Variants in ADCY8 observed in about 807,000 individuals in gnomAD.
ADCY8 encodes the protein adenylate cyclase type 8.
Under a neutral mutation model 119.7 loss-of-function variants are expected in ADCY8, and 51 were observed. The observed-to-expected ratio is 0.43, with a 90% CI of 0.34 to 0.54. The LOEUF is 0.54. ADCY8 is among the 20% of genes least tolerant of loss of function. ADCY8 has a pLI of 0.03. For missense variants in ADCY8, 1,383 were observed against 1,598.8 expected (o/e 0.87, Z 2.30); for synonymous variants, 665 against 651.0 (o/e 1.02, Z -0.33).
chr8:130,999,365 T>A (rs1285106456), intron 1 of ADCY8, among the ~76,000 whole-genome samples: 3 of 152,120 alleles, frequency 2.0e-5, no homozygotes, highest in Non-Finnish European at 4.4e-5. Context: ...AGTGGAAAGG[T>A]TCTCCATGAA....
chr8:130,825,628 G>T (rs2130219890), intron 12 of ADCY8, among the ~76,000 whole-genome samples: 1 of 152,344 alleles, frequency 6.6e-6, no homozygotes, highest in Non-Finnish European at 1.5e-5. Flanking sequence ...GAGAAGATCA[G>T]TTCTGCTTCT....
chr8:130,992,382 C>CACATATATATATATAT lies in ADCY8; in HGVS notation c.961-1841_961-1840insATATATATATATATGT, dbSNP rs1563758967. Among the ~76,000 whole-genome samples the CACATATATATATATAT allele has an allele frequency of 7.7e-5, 6 of 78,088 alleles. 1 individual carries two copies. Among genetic ancestry groups the CACATATATATATATAT allele is most frequent in the African/African-American group, 3.2e-4 (6 of 18,762 alleles). The allele number at this position is 78,088 out of a possible 152,430, so 51.2% of individuals were successfully genotyped here. On this transcript the variant is annotated intron_variant, in intron 1 of 17. Coordinates refer to ENST00000286355, the MANE Select transcript of ADCY8 (RefSeq NM_001115.3). Reference sequence around the variant, plus strand: ...TACATACATGAGCAACTGTATCTGGCATATATATATATATATATATATATA... The same window carrying CACATATATATATATAT: ...TACATACATGAGCAACTGTATCTGGCACATATATATATATATATATATATATATATATATATATATA...
At chr8:130,936,343 A>C (rs750054260) in intron 5 of ADCY8, among the ~76,000 whole-genome samples, 1 of 152,134 alleles carries the variant, frequency 6.6e-6, no homozygotes. Context: ...CACTTGCCAC[A>C]CATCCATGAA....
At chr8:130,812,439 G>A (rs1335941912) in intron 14 of ADCY8, among the ~76,000 whole-genome samples, 1 of 152,196 alleles carries the variant, frequency 6.6e-6, no homozygotes, top group Non-Finnish European at 1.5e-5. Flanking sequence ...CTTTGCAGGT[G>A]TAATTAAGAT....
intron 5 of ADCY8, among the ~76,000 whole-genome samples, chr8:130,921,444 C>CCTTTTTTTTTTTTTTT (rs1563729431): frequency 7.5e-6 from 1 of 132,564 alleles, no homozygotes; most frequent in African/African-American, 2.8e-5. Flanking sequence ...TTTTCTTTTT[C>CCTTTTTTTTTTTTTTT]TTTTCTTTTT....
Position 130,951,918 on chromosome 8 carries a change from G to A in ADCY8, c.1191C>T (p.His397=), listed in dbSNP as rs748417280. 3 of 1,614,064 alleles carry A rather than the reference G, an allele frequency of 1.9e-6. 1 individual carries two copies. The highest frequency in any genetic ancestry group is 2.5e-6 in the Non-Finnish European group (3 of 1,180,020). The change falls in exon 3 of 18, where the codon CAC becomes CAT. Residue 397 remains histidine (H), a synonymous_variant. Transcript: ENST00000286355. The part of the protein sequence containing the change: ...INDMTNVEDE[H]LQHQFHRIYI... ...AGATCCGATGGAACTGGTGCTGCAG[G>A]TGCTCATCTTCCACATTGGTCATGT...
At chr8:130,824,866 G>A (rs1260705683) in intron 12 of ADCY8, among the ~76,000 whole-genome samples, 3 of 152,202 alleles carry the variant, frequency 2.0e-5, no homozygotes, top group Non-Finnish European at 4.4e-5. Flanking sequence ...AGAGCCCTAT[G>A]TGAATGCACA....
At chr8:130,944,528 T>C (rs1281259767) in intron 3 of ADCY8, among the ~76,000 whole-genome samples, 1 of 152,228 alleles carries the variant, frequency 6.6e-6, no homozygotes, top group African/African-American at 2.4e-5. Context: ...GTAATTGGGC[T>C]AGAAGACATC....
rs2228950 is a variant in ADCY8, at chr8:130,990,524, G to A, written c.979C>T (p.Leu327=). 0.19 allele frequency: 304,814 copies of A among 1,613,390 alleles called. 38,008 individuals are homozygous for A. Among genetic ancestry groups the A allele is most frequent in the African/African-American group, 0.64 (47,652 of 74,976 alleles). ...SINQVVAQAV[L]FMCMNTAGIF... is the part of the protein sequence containing the mutation. ...CCAGCTGTGTTCATACACATGAATA[G>A]CACTGCCTGGGCCACAACCTAAAAT... Residue 327 remains leucine (L), a synonymous_variant, in exon 2 of 18, where the codon CTA becomes TTA. Transcript: ENST00000286355.
At chr8:130,820,243 CTG>C (rs1816466539) in intron 13 of ADCY8, among the ~76,000 whole-genome samples, 1 of 152,152 alleles carries the variant, frequency 6.6e-6, no homozygotes, top group African/African-American at 2.4e-5. Context: ...TTATGTGTCT[CTG>C]TGTTCTTGGG....
chr8:130,867,071 A>C (rs754196666), intron 9 of ADCY8, among the ~76,000 whole-genome samples: 1 of 152,198 alleles, frequency 6.6e-6, no homozygotes, highest in Non-Finnish European at 1.5e-5. Flanking sequence ...GGGAAAACTC[A>C]TAGTAAGTAT....
intron 1 of ADCY8, among the ~76,000 whole-genome samples, chr8:131,007,144 CTT>C (rs1241069801): frequency 1.3e-5 from 2 of 152,100 alleles, no homozygotes; most frequent in African/African-American, 4.8e-5. Context: ...TGATTAAACT[CTT>C]TTAGTTAAAA....
At chr8:130,946,615 C>T (rs892891562) in intron 3 of ADCY8, among the ~76,000 whole-genome samples, 1 of 152,194 alleles carries the variant, frequency 6.6e-6, no homozygotes, top group Non-Finnish European at 1.5e-5. Context: ...ATAGCACAAT[C>T]ATATGTGGCT....
intron 15 of ADCY8, among the ~76,000 whole-genome samples, chr8:130,797,559 A>G (rs1815623384): frequency 6.6e-6 from 1 of 152,212 alleles, no homozygotes; most frequent in South Asian, 2.1e-4. Flanking sequence ...CTTATGTGCT[A>G]GACACAGAGC....
At chr8:131,015,028 AC>A (rs34688343) in intron 1 of ADCY8, among the ~76,000 whole-genome samples, 65,779 of 151,942 alleles carry the variant, frequency 0.43, 14,559 homozygotes, top group East Asian at 0.64. Flanking sequence ...TTCTGGGCAC[AC>A]TAAGGTCTTA....
chr8:130,805,181 T>C (rs190071153), intron 14 of ADCY8, among the ~76,000 whole-genome samples: 99 of 152,354 alleles, frequency 6.5e-4, no homozygotes, highest in African/African-American at 1.9e-3. Context: ...ATGCAAAAGA[T>C]TGCACATACA....
intron 5 of ADCY8, among the ~76,000 whole-genome samples, chr8:130,917,133 G>T (rs1440594290): frequency 6.6e-6 from 1 of 152,178 alleles, no homozygotes; most frequent in East Asian, 1.9e-4. Flanking sequence ...GGCTCTGAGA[G>T]GATTAAGATG....
chr8:130,857,075 A>T (rs1388719634), intron 9 of ADCY8, among the ~76,000 whole-genome samples: 1 of 140,416 alleles, frequency 7.1e-6, no homozygotes, highest in African/African-American at 2.6e-5. Context: ...AGGGCACACC[A>T]AAAGCCCATC....
chr8:130,947,414 C>A (rs1303489947), intron 3 of ADCY8, among the ~76,000 whole-genome samples: 1 of 152,188 alleles, frequency 6.6e-6, no homozygotes, highest in Non-Finnish European at 1.5e-5. Context: ...ACTTGTAAAT[C>A]ATTGCATAAT....
Sources: allele counts gnomAD v4.1 joint callset (sites outside exome capture counted in the v4.1 genomes callset), GRCh38; gene constraint gnomAD v4.1.1; transcripts MANE v1.5; gene names NCBI Gene and HGNC (gene_info 2026-07-23, HGNC 2026-07-21).